TNPO2: variants seen among roughly 807,000 people sequenced by gnomAD.
The protein encoded by TNPO2 is transportin 2.
A neutral mutation model predicts 111.1 loss-of-function variants in TNPO2; 16 were observed. That is an observed-to-expected ratio of 0.14 (90% CI 0.10 to 0.22). The LOEUF is 0.22. TNPO2 is among the 10% of genes least tolerant of loss of function. The pLI is 1.00. For synonymous variants in TNPO2, 481 were observed against 475.8 expected, an observed-to-expected ratio of 1.01 and a Z score of -0.14; for missense variants, 530 against 1,173.7, an observed-to-expected ratio of 0.45 and a Z score of 8.01.
Position 12,705,357 on chromosome 19 carries a change from C to G in TNPO2, c.1905G>C (p.Lys635Asn). The G allele has an allele frequency of 6.3e-7, 1 of 1,588,522 alleles. No homozygotes were observed. Among genetic ancestry groups the G allele is most frequent in the Non-Finnish European group, 8.6e-7 (1 of 1,167,732 alleles). The change falls in exon 18 of 26, where the codon AAG becomes AAC. Residue 635 changes from lysine to asparagine, a missense_variant. Physicochemically the swap from Lys to Asn is moderately conservative, Grantham distance 94. Around this residue, in one of 4 missense-constraint regions of TNPO2, gnomAD observed 183 missense variants for 481.0 expected, o/e 0.38. Transcript: ENST00000425528. The surrounding 1 kb of genome is among the most constrained non-coding windows in gnomAD (Gnocchi z 7.2). ...GATCCAGTGCTACGATCATGAAGTC[C>G]TTGTCGGGAGCCTCATACTGCTCAG... ...QHPEQYEAPD[K>N]DFMIVALDLL...
At chr19:12,717,619 T>C (rs2026437043) in intron 5 of TNPO2, among the ~76,000 whole-genome samples, 1 of 152,108 alleles carries the variant, frequency 6.6e-6, no homozygotes, top group Non-Finnish European at 1.5e-5. Flanking sequence ...GCACATAGAA[T>C]GAGCTCAGGA....
intron 10 of TNPO2, among the ~76,000 whole-genome samples, chr19:12,713,265 TGTAA>T (rs1414283521): frequency 1.3e-5 from 2 of 152,020 alleles, no homozygotes; most frequent in Non-Finnish European, 2.9e-5. Flanking sequence ...AGCCCAGAGT[TGTAA>T]GTGACAGAGC....
Position 12,718,064 on chromosome 19 carries a change from C to G in TNPO2, c.325+965G>C, listed in dbSNP as rs556396370. Among the ~76,000 whole-genome samples the G allele has an allele frequency of 6.0e-5, 9 of 149,592 alleles. No individual in the cohort carries two copies. The South Asian group carries it at 1.1e-3, about 18-fold the overall frequency. ...CTGTTGCCCAGGCTGGAGTGTAGTG[C>G]CGCAATCTCGGCTCACTGCAACCTC... On this transcript the variant is annotated intron_variant, in intron 5 of 25. Coordinates refer to ENST00000425528, the MANE Select transcript of TNPO2 (RefSeq NM_001382241.1).
At position 12,706,389 on chromosome 19, in the gene TNPO2, C is replaced by T. The variant is rs567644533; in HGVS notation, c.1497-22G>A. ...AGCACTGGTGGGAGGGAGGATGAAG[C>T]GGGGGCTCAGTGGACCATGGCAGGT... On this transcript the variant is annotated intron_variant, in intron 14 of 25. Coordinates refer to ENST00000425528, the MANE Select transcript of TNPO2 (RefSeq NM_001382241.1). This position sits in a 1 kb window ranked among gnomAD's most constrained non-coding sequence, Gnocchi z 7.0. The T allele has an allele frequency of 9.9e-6, 16 of 1,613,804 alleles. No homozygotes were observed. The highest frequency in any genetic ancestry group is 8.0e-5 in the African/African-American group (6 of 75,004).
In TNPO2 at chr19:12,702,923, G is replaced by A. The variant is rs770156696; in HGVS notation, c.2210-5C>T. On this transcript the variant is annotated splice_polypyrimidine_tract_variant and splice_region_variant and intron_variant, in intron 20 of 25. Transcript: ENST00000425528. The surrounding 1 kb of genome is among the most constrained non-coding windows in gnomAD (Gnocchi z 5.5). ...CATAAGGCTGCATCTCTGCCCCTGG[G>A]GGAGCACCCAGTCAGAGCCCTGCAC... 1.2e-6 allele frequency: 2 copies of A among 1,613,546 alleles called. No individual in the cohort carries two copies. The highest frequency in any genetic ancestry group is 3.3e-5 in the Admixed American group (2 of 59,994).
At chr19:12,713,579 A>G (rs992867894) in intron 10 of TNPO2, among the ~76,000 whole-genome samples, 1 of 152,080 alleles carries the variant, frequency 6.6e-6, no homozygotes, top group Non-Finnish European at 1.5e-5. Context: ...GGGAGGCCAA[A>G]GTGGGCAGAA....
In TNPO2 at chr19:12,720,835, C is replaced by A. The variant is rs773995153; in HGVS notation, c.99+44G>T. Reference sequence around the variant, plus strand: ...CTCTCTCTGGCCTTTGGAAACTGCACGCATCTACCCGGCTCCCCCAGCCCC... The same window carrying A: ...CTCTCTCTGGCCTTTGGAAACTGCAAGCATCTACCCGGCTCCCCCAGCCCC... On this transcript the variant is annotated intron_variant, in intron 3 of 25. Transcript: ENST00000425528. 3 of 1,543,314 alleles carry A rather than the reference C, an allele frequency of 1.9e-6. No individual in the cohort carries two copies. In the South Asian group the frequency reaches 3.6e-5, roughly 18 times the overall value.
chr19:12,714,726 G>T, intron 10 of TNPO2, 95 bp downstream of exon 10: 2 of 952,452 alleles, frequency 2.1e-6, no homozygotes, highest in Non-Finnish European at 3.4e-6. Flanking sequence ...CAAGGATGTG[G>T]ACTGAGAGAA....
In TNPO2 at chr19:12,705,952, A is replaced by ACCCCC. The variant is rs2025630977; in HGVS notation, c.1669-185_1669-184insGGGGG. On this transcript the variant is annotated intron_variant, in intron 15 of 25. Transcript: ENST00000425528. The surrounding 1 kb of genome is among the most constrained non-coding windows in gnomAD (Gnocchi z 7.2). Reference sequence around the variant, plus strand: ...CACCTGTCCAAGCACCGCCCGCCCCACCCCACCCCCCGGGAGCCTGGGTTA... The same window carrying ACCCCC: ...CACCTGTCCAAGCACCGCCCGCCCCACCCCCCCCCACCCCCCGGGAGCCTGGGTTA... 2.1e-6 allele frequency: 1 copy of ACCCCC among 472,180 alleles called. No homozygotes were observed. Among genetic ancestry groups the ACCCCC allele is most frequent in the Non-Finnish European group, 3.8e-6 (1 of 264,114 alleles). The allele number at this position is 472,180 out of a possible 1,614,324, so 29.2% of individuals were successfully genotyped here. A position where few individuals can be genotyped will look rare whatever the true frequency, so the allele number is the denominator to read the frequency against.
In TNPO2 at chr19:12,710,557, T is replaced by C. The variant is rs1223358656; in HGVS notation, c.1270+64A>G. 5 of 1,569,634 alleles carry C rather than the reference T, an allele frequency of 3.2e-6. No individual in the cohort carries two copies. In the Admixed American group the frequency reaches 7.4e-5, roughly 23 times the overall value. ...GGGAGAACTGAGGCATTGGTGTGGC[T>C]AGTAATGTGGGCCAGCCCTACAGTC... On this transcript the variant is annotated intron_variant, in intron 13 of 25. Transcript: ENST00000425528.
chr19:12,707,992 T>C (rs2049609283), intron 13 of TNPO2, among the ~76,000 whole-genome samples: 2 of 152,024 alleles, frequency 1.3e-5, no homozygotes, highest in African/African-American at 4.8e-5. Context: ...GGCTAATTTT[T>C]CATATTTTTA....
chr19:12,701,688 T>C lies in TNPO2; in HGVS notation c.2512-16A>G, dbSNP rs758727430. 1.9e-6 allele frequency: 3 copies of C among 1,613,728 alleles called. No homozygotes were observed. In the South Asian group the frequency reaches 3.3e-5, roughly 18 times the overall value. ...AAATAAAGTCCTGAAACGTGACGGATCCCAGGTGAGGGGCCGCCCGAGCCC... is the reference window on the plus strand; with the variant it reads ...AAATAAAGTCCTGAAACGTGACGGACCCCAGGTGAGGGGCCGCCCGAGCCC... On this transcript the variant is annotated splice_polypyrimidine_tract_variant and intron_variant, in intron 23 of 25. Transcript: ENST00000425528. The surrounding 1 kb of genome is among the most constrained non-coding windows in gnomAD (Gnocchi z 5.0).
At chr19:12,718,994 T>C (rs1408384671) in intron 5 of TNPO2, 35 bp downstream of exon 5, 1 of 1,610,280 alleles carries the variant, frequency 6.2e-7, no homozygotes, top group East Asian at 2.2e-5. Flanking sequence ...GAGTTCAGTG[T>C]GTCCTCAGAG....
chr19:12,721,058 C>G lies in TNPO2; in HGVS notation c.-13-68G>C. ...TCCGTGTGAGACCCAGGTGGAGCCC[C>G]TGAGGCCGCGGTGGCCGCATGACGA... On this transcript the variant is annotated intron_variant, in intron 2 of 25. Transcript: ENST00000425528. This position sits in a 1 kb window ranked among gnomAD's most constrained non-coding sequence, Gnocchi z 4.9. 6.5e-7 allele frequency: 1 copy of G among 1,533,320 alleles called. No individual in the cohort carries two copies. Among genetic ancestry groups the G allele is most frequent in the Non-Finnish European group, 8.7e-7 (1 of 1,145,294 alleles). 95.0% of individuals were successfully genotyped at this position (1,533,320 alleles called of 1,614,324 possible).
chr19:12,711,037 G>GGCGCCCGACACC (rs2026010124), intron 12 of TNPO2, among the ~76,000 whole-genome samples: 1 of 152,158 alleles, frequency 6.6e-6, no homozygotes. Context: ...TGGGACTACA[G>GGCGCCCGACACC]GCGCCCGACA....
chr19:12,705,697 G>A lies in TNPO2; in HGVS notation c.1740C>T (p.Leu580=), dbSNP rs776099343. ...GCCCACTCACCTCCAGCAGGGGGAA[G>A]AGGTCCTTGTCTTCGTCCTTGAGCT... The part of the protein sequence containing the change: ...WNELKDEDKD[L]FPLLECLSSV... The change falls in exon 16 of 26, where the codon CTC becomes CTT. Residue 580 remains leucine, a synonymous_variant. Coordinates refer to ENST00000425528, the MANE Select transcript of TNPO2 (RefSeq NM_001382241.1). The surrounding 1 kb of genome is among the most constrained non-coding windows in gnomAD (Gnocchi z 7.2). 3 of 1,522,928 alleles carry A rather than the reference G, an allele frequency of 2.0e-6. No homozygotes were observed. The highest frequency in any genetic ancestry group is 2.7e-6 in the Non-Finnish European group (3 of 1,130,056). 94.3% of individuals were successfully genotyped at this position (1,522,928 alleles called of 1,614,324 possible).
rs2025629813 is a variant in TNPO2, at chr19:12,705,943, G to GCCCGC, written c.1669-180_1669-176dup. ...CATTCTTCTCACCTGTCCAAGCACC[G>GCCCGC]CCCGCCCCACCCCACCCCCCGGGAG... On this transcript the variant is annotated intron_variant, in intron 15 of 25. Coordinates refer to ENST00000425528, the MANE Select transcript of TNPO2 (RefSeq NM_001382241.1). The surrounding 1 kb of genome is among the most constrained non-coding windows in gnomAD (Gnocchi z 7.2). The GCCCGC allele has an allele frequency of 1.5e-6, 1 of 663,712 alleles. No individual in the cohort carries two copies. Among genetic ancestry groups the GCCCGC allele is most frequent in the Admixed American group, 3.0e-5 (1 of 33,526 alleles). 41.1% of individuals were successfully genotyped at this position (663,712 alleles called of 1,614,324 possible).
At position 12,711,322 on chromosome 19, in the gene TNPO2, T is replaced by A; in HGVS notation, c.1091A>T (p.Asp364Val). 2 of 1,613,950 alleles carry A rather than the reference T, an allele frequency of 1.2e-6. No homozygotes were observed. The highest frequency in any genetic ancestry group is 1.7e-6 in the Non-Finnish European group (2 of 1,179,880). The change falls in exon 12 of 26, where the codon GAT becomes GTT. Residue 364 changes from aspartate (D) to valine (V), a missense_variant. By Grantham distance (152) the Asp-to-Val change is radical (BLOSUM62 -3). Coordinates refer to ENST00000425528, the MANE Select transcript of TNPO2 (RefSeq NM_001382241.1). ...GSEDAEDDDD[D>V]DALSDWNLRK... ...CAAATTCCAGTCGGACAGAGCATCA[T>A]CATCATCGTCATCCTCCGCGTCCTC...
Position 12,721,370 on chromosome 19 carries a change from C to T in TNPO2, c.-13-380G>A. ...GGCGAGGGCCCAGCCGCCTCCACATCCAGGGGCCCCGCCCCAGACCGTGAT... is the reference window on the plus strand; with the variant it reads ...GGCGAGGGCCCAGCCGCCTCCACATTCAGGGGCCCCGCCCCAGACCGTGAT... On this transcript the variant is annotated intron_variant, in intron 2 of 25. Coordinates refer to ENST00000425528, the MANE Select transcript of TNPO2 (RefSeq NM_001382241.1). This position sits in a 1 kb window ranked among gnomAD's most constrained non-coding sequence, Gnocchi z 4.9. 1.7e-6 allele frequency: 2 copies of T among 1,172,820 alleles called. No individual in the cohort carries two copies. The highest frequency in any genetic ancestry group is 2.6e-5 in the South Asian group (2 of 77,222). 72.7% of individuals were successfully genotyped at this position (1,172,820 alleles called of 1,614,324 possible).
Sources: gnomAD v4.1 joint callset for allele counts (sites outside exome capture counted in the v4.1 genomes callset) on GRCh38, gnomAD v4.1.1 for gene constraint, gnomAD v4.1.1 regional missense constraint, Gnocchi (gnomAD v3.1) non-coding constraint, MANE v1.5 for transcripts, NCBI Gene and HGNC (gene_info 2026-07-23, HGNC 2026-07-21) for gene names.